The following DHRS9 variants were observed in gnomAD, a reference collection of about 807,000 sequenced individuals.
DHRS9 encodes the protein dehydrogenase/reductase SDR family member 9.
DHRS9 carries 18 observed loss-of-function variants against 26.6 expected under a neutral mutation model. The ratio of observed to expected loss-of-function variants is 0.68; its 90% CI spans 0.47 to 1.00. The LOEUF is 1.00. DHRS9 is among the 50% of genes least tolerant of loss of function. DHRS9 has a pLI of 0.00. For synonymous variants in DHRS9, 134 were observed against 141.1 expected, an observed-to-expected ratio of 0.95 and a Z score of 0.36; for missense variants, 425 against 378.7, an observed-to-expected ratio of 1.12 and a Z score of -1.01.
chr2:169,070,464 T>G, intron 1 of DHRS9: 2 of 985,432 alleles, frequency 2.0e-6, no homozygotes, highest in Non-Finnish European at 2.4e-6. Flanking sequence ...CTCTGAAATG[T>G]CCCACTACAC....
intron 1 of DHRS9, 89 bp downstream of exon 1, chr2:169,069,806 C>A: frequency 2.1e-6 from 2 of 959,188 alleles, no homozygotes; most frequent in South Asian, 4.8e-5. Flanking sequence ...CAGAATGAAT[C>A]GGTGGTCTTT....
chr2:169,083,444 T>C lies in DHRS9; in HGVS notation c.429T>C (p.Ser143=), dbSNP rs184933738. 11 of 1,614,124 alleles carry C rather than the reference T, an allele frequency of 6.8e-6. No individual in the cohort carries two copies. Among genetic ancestry groups the C allele is most frequent in the African/African-American group, 4.0e-5 (3 of 75,028 alleles). Reference sequence around the variant, plus strand: ...AAGTGAACCTGTTTGGACTCATCAGTGTGACACTAAATATGCTTCCTTTGG... The same window carrying C: ...AAGTGAACCTGTTTGGACTCATCAGCGTGACACTAAATATGCTTCCTTTGG... The part of the protein sequence containing the change: ...PIEVNLFGLI[S]VTLNMLPLVK... The change falls in exon 3 of 5, where the codon AGT becomes AGC. Residue 143 remains serine, a synonymous_variant. Transcript: ENST00000674881.
intron 1 of DHRS9, among the ~76,000 whole-genome samples, chr2:169,072,910 A>T (rs2105279089): frequency 6.6e-6 from 1 of 152,350 alleles, no homozygotes; most frequent in East Asian, 1.9e-4. Flanking sequence ...CTACACCAGA[A>T]ATATCTTGAC....
At position 169,095,742 on chromosome 2, in the gene DHRS9, A is replaced by C. The variant is rs140866562; in HGVS notation, c.935A>C (p.Glu312Ala). 4.0e-5 allele frequency: 65 copies of C among 1,613,656 alleles called. No individual in the cohort carries two copies. Among genetic ancestry groups the C allele is most frequent in the Non-Finnish European group, 5.3e-5 (62 of 1,179,838 alleles). ...QDFLLLKQKA[E>A]LANPKAV Reference sequence around the variant, plus strand: ...TTTTTATTGTTGAAACAGAAAGCAGAGCTGGCTAATCCCAAGGCAGTGTGA... The same window carrying C: ...TTTTTATTGTTGAAACAGAAAGCAGCGCTGGCTAATCCCAAGGCAGTGTGA... The change falls in exon 5 of 5, where the codon GAG becomes GCG. Residue 312 changes from glutamate to alanine, a missense_variant. Physicochemically the swap from Glu to Ala is moderately radical, Grantham distance 107. Transcript: ENST00000674881.
intron 1 of DHRS9, among the ~76,000 whole-genome samples, chr2:169,078,814 A>ATTTT (rs1491412045): frequency 9.8e-6 from 1 of 102,150 alleles, no homozygotes; most frequent in African/African-American, 5.7e-5. Context: ...TTATCAACTG[A>ATTTT]CTTTTTTTTT....
chr2:169,086,539 C>T (rs1362656329), intron 3 of DHRS9, among the ~76,000 whole-genome samples: 2 of 150,174 alleles, frequency 1.3e-5, no homozygotes, highest in African/African-American at 2.4e-5. Context: ...GGTCTTGATG[C>T]TTGTGGATTT....
At chr2:169,072,234 T>A (rs961177523) in intron 1 of DHRS9, among the ~76,000 whole-genome samples, 2 of 152,200 alleles carry the variant, frequency 1.3e-5, no homozygotes, top group South Asian at 4.1e-4. Flanking sequence ...TTCTATTTGA[T>A]GTATTTTGGT....
chr2:169,090,528 A>C (rs1684488708), intron 3 of DHRS9, among the ~76,000 whole-genome samples: 1 of 152,236 alleles, frequency 6.6e-6, no homozygotes, highest in South Asian at 2.1e-4. Flanking sequence ...AATATATTTC[A>C]AACTTTACAA....
At chr2:169,085,342 G>A (rs929333089) in intron 3 of DHRS9, among the ~76,000 whole-genome samples, 1 of 151,962 alleles carries the variant, frequency 6.6e-6, no homozygotes, top group Non-Finnish European at 1.5e-5. Context: ...ATAAATTTTA[G>A]GATTGTTTTT....
Position 169,095,938 on chromosome 2 carries a change from C to A in DHRS9, c.*171C>A, listed in dbSNP as rs1684686311. ...CGCTGGTGGTATCCCAGGGTCCCTGCTCAAGTTTTCTTTGAAAAGGAGGGC... is the reference window on the plus strand; with the variant it reads ...CGCTGGTGGTATCCCAGGGTCCCTGATCAAGTTTTCTTTGAAAAGGAGGGC... On this transcript the variant is annotated 3_prime_UTR_variant, in exon 5 of 5. Coordinates refer to ENST00000674881, the MANE Select transcript of DHRS9 (RefSeq NM_001376924.1). 2 of 645,034 alleles carry A rather than the reference C, an allele frequency of 3.1e-6. No individual in the cohort carries two copies. Among genetic ancestry groups the A allele is most frequent in the East Asian group, 5.5e-5 (2 of 36,350 alleles). 40.0% of individuals were successfully genotyped at this position (645,034 alleles called of 1,614,324 possible).
At position 169,083,526 on chromosome 2, in the gene DHRS9, ATCGTTG is replaced by A. The variant is rs1684257823; in HGVS notation, c.512_517del (p.Ile171_Gly173delinsArg). ...CTCCAGTGTTGGAGGTCGCCTTGCAATCGTTGGAGGGGGCTATACTCCATCCAAATA... is the reference window on the plus strand; with the variant it reads ...CTCCAGTGTTGGAGGTCGCCTTGCAAGAGGGGGCTATACTCCATCCAAATA... On this transcript the variant is annotated inframe_deletion, in exon 3 of 5. Coordinates refer to ENST00000674881, the MANE Select transcript of DHRS9 (RefSeq NM_001376924.1). 1 of 1,614,088 alleles carries A rather than the reference ATCGTTG, an allele frequency of 6.2e-7. No individual in the cohort carries two copies. The highest frequency in any genetic ancestry group is 8.5e-7 in the Non-Finnish European group (1 of 1,179,992).
At chr2:169,093,113 C>G (rs1684585412) in intron 4 of DHRS9, among the ~76,000 whole-genome samples, 1 of 152,164 alleles carries the variant, frequency 6.6e-6, no homozygotes, top group Non-Finnish European at 1.5e-5. Flanking sequence ...CTCAAGTACT[C>G]ACTGACCTCC....
intron 1 of DHRS9, among the ~76,000 whole-genome samples, chr2:169,073,433 G>C (rs1484228038): frequency 6.6e-6 from 1 of 152,344 alleles, no homozygotes; most frequent in South Asian, 2.1e-4. Flanking sequence ...AACCATAGCA[G>C]TTATTATCAT....
intron 3 of DHRS9, among the ~76,000 whole-genome samples, chr2:169,085,970 G>A (rs1203038464): frequency 1.3e-5 from 2 of 152,076 alleles, no homozygotes; most frequent in Non-Finnish European, 2.9e-5. Context: ...CCTTGTGGTA[G>A]TCTTCTTTGG....
intron 1 of DHRS9, among the ~76,000 whole-genome samples, chr2:169,079,918 GGGGAGAGAGAGAGAGAGA>G (rs1684103163): frequency 1.4e-4 from 4 of 28,064 alleles, no homozygotes; most frequent in South Asian, 1.2e-3. Context: ...AGGGAGGGAG[GGGGAGAGAGAGAGAGAGA>G]GAGAGAGAGA....
intron 1 of DHRS9, among the ~76,000 whole-genome samples, chr2:169,079,153 A>C (rs1251103288): frequency 6.6e-6 from 1 of 151,860 alleles, no homozygotes; most frequent in East Asian, 1.9e-4. Context: ...GGCTGAACTG[A>C]CAATTCTTTT....
chr2:169,091,861 A>T lies in DHRS9; in HGVS notation c.644A>T (p.Asp215Val), dbSNP rs748020434. 5 of 1,614,050 alleles carry T rather than the reference A, an allele frequency of 3.1e-6. No individual in the cohort carries two copies. Among genetic ancestry groups the T allele is most frequent in the Non-Finnish European group, 4.2e-6 (5 of 1,179,980 alleles). Residue 215 changes from aspartate to valine, a missense_variant, in exon 4 of 5, where the codon GAT becomes GTT. Asp to Val is a radical substitution (Grantham distance 152). Transcript: ENST00000674881. ...EPGLFKTNLA[D>V]PVKVIEKKLA... ...GGATTGTTCAAAACAAACTTGGCAGATCCAGTAAAGGTAATTGAAAAAAAA... is the reference window on the plus strand; with the variant it reads ...GGATTGTTCAAAACAAACTTGGCAGTTCCAGTAAAGGTAATTGAAAAAAAA...
chr2:169,071,063 CA>C (rs568589600), intron 1 of DHRS9, among the ~76,000 whole-genome samples: 46 of 133,112 alleles, frequency 3.5e-4, no homozygotes, highest in African/African-American at 3.6e-4. Flanking sequence ...GACTCCGTCT[CA>C]AAAAAAAAAA....
upstream of DHRS9, chr2:169,067,399 GT>G: frequency 7.4e-7 from 1 of 1,357,202 alleles, no homozygotes; most frequent in Non-Finnish European, 9.8e-7. Context: ...TCCTCCTTAT[GT>G]TTTGGTATTT....
Sources: gnomAD v4.1 joint callset for allele counts (sites outside exome capture counted in the v4.1 genomes callset) on GRCh38, gnomAD v4.1.1 for gene constraint, MANE v1.5 for transcripts, NCBI Gene and HGNC (gene_info 2026-07-23, HGNC 2026-07-21) for gene names.